LEPR: variants seen among roughly 807,000 people sequenced by gnomAD.
The protein encoded by LEPR is leptin receptor.
A neutral mutation model predicts 114.7 loss-of-function variants in LEPR; 56 were observed. The ratio of observed to expected loss-of-function variants is 0.49; its 90% confidence interval spans 0.39 to 0.61. The LOEUF (loss-of-function observed/expected upper bound fraction) is 0.61, where lower values mean the gene tolerates loss of function less well. Ranked by LOEUF, LEPR falls within the 20% of genes least tolerant of loss-of-function variation. The pLI is 0.00. For missense variants in LEPR, 1,202 were observed against 1,352.9 expected (o/e 0.89, Z 1.75); for synonymous variants, 443 against 461.4 (o/e 0.96, Z 0.51).
At chr1:65,605,767 A>G (rs1045561448) in intron 11 of LEPR, among the ~76,000 whole-genome samples, 1 of 152,216 alleles carries the variant, frequency 6.6e-6, no homozygotes, top group African/African-American at 2.4e-5. Context: ...TTTTGATTTC[A>G]AAGATATTAA....
chr1:65,535,060 C>T (rs1650664364), intron 2 of LEPR, among the ~76,000 whole-genome samples: 1 of 151,966 alleles, frequency 6.6e-6, no homozygotes, highest in African/African-American at 2.4e-5. Context: ...AATTTCTGAA[C>T]CAAAGTGGTT....
intron 11 of LEPR, among the ~76,000 whole-genome samples, chr1:65,606,321 C>T (rs1468506907): frequency 3.3e-5 from 5 of 152,146 alleles, no homozygotes; most frequent in African/African-American, 7.2e-5. Flanking sequence ...ATAACACACT[C>T]ACTTATAAGA....
At position 65,617,984 on chromosome 1, in the gene LEPR, A is replaced by C. The variant is rs1657631979; in HGVS notation, c.2233A>C (p.Ser745Arg). The change falls in exon 16 of 20, where the codon AGT becomes CGT. Residue 745 changes from serine to arginine, a missense_variant. Ser to Arg is a moderately radical substitution (Grantham distance 110). Coordinates refer to ENST00000349533, the MANE Select transcript of LEPR (RefSeq NM_002303.6). ...MSKVNIVQSL[S>R]AYPLNSSCVI... ...CTCAGTAAATATCGTGCAGTCACTCAGTGCTTATCCTTTAAACAGCAGTTG... is the reference window on the plus strand; with the variant it reads ...CTCAGTAAATATCGTGCAGTCACTCCGTGCTTATCCTTTAAACAGCAGTTG... The C allele has an allele frequency of 1.2e-6, 2 of 1,611,104 alleles. No individual in the cohort carries two copies.
intron 2 of LEPR, among the ~76,000 whole-genome samples, chr1:65,425,907 A>G (rs954740896): frequency 7.2e-5 from 11 of 152,138 alleles, no homozygotes; most frequent in African/African-American, 2.7e-4. Flanking sequence ...TTTTCATTCA[A>G]CCATTGTTGG....
At chr1:65,502,144 T>G (rs1265136959) in intron 2 of LEPR, among the ~76,000 whole-genome samples, 1 of 152,100 alleles carries the variant, frequency 6.6e-6, no homozygotes, top group Admixed American at 6.6e-5. Context: ...AAGGTAACTG[T>G]ATTTGGAGGT....
Position 65,634,279 on chromosome 1 carries a change from GA to G in LEPR, c.2674-1908del. Reference sequence around the variant, plus strand: ...TAACTCGTAGTTTTATTTGAAAGTAGAAAAGAACTCTACAAAAACGGGAAGA... The same window carrying G: ...TAACTCGTAGTTTTATTTGAAAGTAGAAAGAACTCTACAAAAACGGGAAGA... On this transcript the variant is annotated intron_variant, in intron 19 of 19. Transcript: ENST00000349533. 3 of 982,132 alleles carry G rather than the reference GA, an allele frequency of 3.1e-6. No individual in the cohort carries two copies. In the South Asian group the frequency reaches 1.4e-4, roughly 46 times the overall value. The allele number at this position is 982,132 out of a possible 1,614,324, so 60.8% of individuals were successfully genotyped here.
At chr1:65,524,847 A>G (rs1375506958) in intron 2 of LEPR, among the ~76,000 whole-genome samples, 2 of 152,188 alleles carry the variant, frequency 1.3e-5, no homozygotes, top group African/African-American at 4.8e-5. Context: ...CTATAACTGC[A>G]CCTAGCATAT....
intron 2 of LEPR, among the ~76,000 whole-genome samples, chr1:65,548,767 T>G (rs9662552): frequency 0.62 from 93,430 of 150,918 alleles, 29,898 homozygotes; most frequent in Middle Eastern, 0.74. Flanking sequence ...TATCCAATTT[T>G]CCAGTCTGTG....
At chr1:65,592,548 C>T in intron 5 of LEPR, 109 bp from the exon 6 acceptor site, 1 of 1,151,552 alleles carries the variant, frequency 8.7e-7, no homozygotes, top group Non-Finnish European at 1.2e-6. Context: ...ACCCTTTAAG[C>T]TGGGTGTCCC....
intron 5 of LEPR, among the ~76,000 whole-genome samples, chr1:65,584,777 G>T (rs1007133921): frequency 6.6e-6 from 1 of 152,028 alleles, no homozygotes; most frequent in Non-Finnish European, 1.5e-5. Context: ...CCTTCAGGTG[G>T]TTATATTATT....
intron 7 of LEPR, 78 bp downstream of exon 7, chr1:65,596,671 C>G (rs1192019137): frequency 1.6e-6 from 2 of 1,262,578 alleles, no homozygotes; most frequent in Non-Finnish European, 2.3e-6. Context: ...CAATTACCCT[C>G]TGCATACTAA....
chr1:65,580,938 G>T (rs1213848873), intron 5 of LEPR, among the ~76,000 whole-genome samples: 1 of 152,076 alleles, frequency 6.6e-6, no homozygotes, highest in Admixed American at 6.6e-5. Context: ...GGAATGAAGA[G>T]AAATCAGGAT....
At chr1:65,538,865 G>A (rs1321879313) in intron 2 of LEPR, among the ~76,000 whole-genome samples, 1 of 151,588 alleles carries the variant, frequency 6.6e-6, no homozygotes, top group Non-Finnish European at 1.5e-5. Context: ...TTTATCTCTG[G>A]GAAATGTGCC....
At chr1:65,548,077 T>C (rs1047207074) in intron 2 of LEPR, among the ~76,000 whole-genome samples, 27 of 152,144 alleles carry the variant, frequency 1.8e-4, no homozygotes, top group Non-Finnish European at 2.5e-4. Context: ...CCAGTAGTCA[T>C]TCAGGAGCAG....
rs777028748 is a variant in LEPR, at chr1:65,570,566, A to T, written c.134A>T (p.Asp45Val). 6.2e-7 allele frequency: 1 copy of T among 1,614,016 alleles called. No individual in the cohort carries two copies. The highest frequency in any genetic ancestry group is 8.5e-7 in the Non-Finnish European group (1 of 1,179,942). The stretch of plus-strand genomic sequence containing the variant: ...TGCATGCCACCAAATTCAACCTATG[A>T]CTACTTCCTTTTGCCTGCTGGACTC... ...LSCMPPNSTY[D>V]YFLLPAGLSK... Residue 45 changes from aspartate to valine, a missense_variant, in exon 4 of 20, where the codon GAC (aspartate) becomes GTC (valine). Physicochemically the swap from Asp to Val is radical, Grantham distance 152. Transcript: ENST00000349533.
At chr1:65,530,932 G>T (rs1219469074) in intron 2 of LEPR, among the ~76,000 whole-genome samples, 2 of 147,094 alleles carry the variant, frequency 1.4e-5, no homozygotes, top group African/African-American at 2.5e-5. Flanking sequence ...CCTCCAAACT[G>T]GTCTCCCTGC....
At chr1:65,622,868 T>C in intron 18 of LEPR, 38 bp from the exon 19 acceptor site, 1 of 1,608,082 alleles carries the variant, frequency 6.2e-7, no homozygotes, top group Non-Finnish European at 8.5e-7. Context: ...AATATGGATG[T>C]TTTTCTCTAA....
intron 2 of LEPR, among the ~76,000 whole-genome samples, chr1:65,557,727 C>A (rs576914813): frequency 6.6e-6 from 1 of 152,122 alleles, no homozygotes; most frequent in Non-Finnish European, 1.5e-5. Context: ...GCCTCTTTTT[C>A]TGTATTATTT....
intron 2 of LEPR, among the ~76,000 whole-genome samples, chr1:65,457,149 T>G (rs1646887596): frequency 6.6e-6 from 1 of 152,188 alleles, no homozygotes; most frequent in Non-Finnish European, 1.5e-5. Context: ...TCATTTTACT[T>G]ATATGTAAGC....
Sources: gnomAD v4.1 joint callset for allele counts (sites outside exome capture counted in the v4.1 genomes callset) on GRCh38, gnomAD v4.1.1 for gene constraint, MANE v1.5 for transcripts, NCBI Gene and HGNC (gene_info 2026-07-23, HGNC 2026-07-21) for gene names.